The following MAN1A1 variants were observed in gnomAD, a reference collection of about 807,000 sequenced individuals.
MAN1A1 encodes the protein mannosyl-oligosaccharide 1,2-alpha-mannosidase IA.
MAN1A1 carries 29 observed loss-of-function variants against 70.8 expected under a neutral mutation model. The observed-to-expected ratio is 0.41, with a 90% CI of 0.31 to 0.56. MAN1A1 has a LOEUF of 0.56. MAN1A1 is among the 20% of genes least tolerant of loss of function. MAN1A1 has a pLI of 0.29. For synonymous variants in MAN1A1, 349 were observed against 330.1 expected, an observed-to-expected ratio of 1.06 and a Z score of -0.62; for missense variants, 747 against 841.3, an observed-to-expected ratio of 0.89 and a Z score of 1.39.
intron 5 of MAN1A1, among the ~76,000 whole-genome samples, chr6:119,258,596 C>A (rs1371916980): frequency 6.6e-6 from 1 of 152,082 alleles, no homozygotes; most frequent in Admixed American, 6.6e-5. Context: ...GTCCTGAAAC[C>A]TACCCCCACA....
chr6:119,261,874 T>C lies in MAN1A1; in HGVS notation c.898-13520A>G, dbSNP rs146252137. Among the ~76,000 whole-genome samples, 682 of 152,332 alleles carry C rather than the reference T, an allele frequency of 4.5e-3. 6 individuals carry two copies. The highest frequency in any genetic ancestry group is 0.015 in the African/African-American group (643 of 41,574). ...CCTAAGTAGTGAAGTAACTGATCTA[T>C]TAGATTTGTTGAAAAGGACTAGTTC... is the stretch of plus-strand genomic sequence containing the variant. On this transcript the variant is annotated intron_variant, in intron 5 of 12. Coordinates refer to ENST00000368468, the MANE Select transcript of MAN1A1 (RefSeq NM_005907.4).
chr6:119,341,152 GT>G (rs942794889), intron 2 of MAN1A1, among the ~76,000 whole-genome samples: 8 of 151,976 alleles, frequency 5.3e-5, no homozygotes, highest in African/African-American at 1.7e-4. Context: ...ATCTCATTTG[GT>G]TTTTTTTCAA....
At chr6:119,190,112 GT>G (rs1773402906) in intron 9 of MAN1A1, among the ~76,000 whole-genome samples, 2 of 152,140 alleles carry the variant, frequency 1.3e-5, no homozygotes, top group South Asian at 4.1e-4. Context: ...AGCACATTTG[GT>G]TTTGCTTGGT....
At chr6:119,220,086 G>A (rs3798611) in intron 6 of MAN1A1, among the ~76,000 whole-genome samples, 5,157 of 152,128 alleles carry the variant, frequency 0.034, 140 homozygotes, top group East Asian at 0.092. Flanking sequence ...TCCATCATAA[G>A]AGGACTTTTA....
intron 6 of MAN1A1, among the ~76,000 whole-genome samples, chr6:119,210,029 C>T (rs149802976): frequency 5.3e-5 from 8 of 152,130 alleles, no homozygotes; most frequent in South Asian, 2.1e-4. Context: ...CATCTCATCA[C>T]GGGTAGTTGT....
chr6:119,246,982 C>T (rs888016412), intron 6 of MAN1A1, among the ~76,000 whole-genome samples: 1 of 152,046 alleles, frequency 6.6e-6, no homozygotes, highest in African/African-American at 2.4e-5. Context: ...TGTGAACTCT[C>T]CCCACCCCAC....
intron 7 of MAN1A1, among the ~76,000 whole-genome samples, chr6:119,202,481 G>C (rs545648572): frequency 2.6e-4 from 40 of 152,184 alleles, no homozygotes; most frequent in Admixed American, 2.4e-3. Flanking sequence ...TAAAAAAAAA[G>C]TGGTACATTC....
intron 6 of MAN1A1, among the ~76,000 whole-genome samples, chr6:119,247,220 C>G (rs1316616252): frequency 6.6e-6 from 1 of 152,194 alleles, no homozygotes; most frequent in Non-Finnish European, 1.5e-5. Context: ...CTTGGTGTTT[C>G]TAAACCAGAA....
At chr6:119,345,220 G>A (rs1582821225) in intron 2 of MAN1A1, among the ~76,000 whole-genome samples, 1 of 151,356 alleles carries the variant, frequency 6.6e-6, no homozygotes, top group Non-Finnish European at 1.5e-5. Context: ...GAGAAGGGAA[G>A]CTAAAAATGA....
intron 11 of MAN1A1, among the ~76,000 whole-genome samples, chr6:119,181,640 G>C (rs1360195824): frequency 2.0e-5 from 3 of 152,064 alleles, no homozygotes; most frequent in African/African-American, 7.2e-5. Flanking sequence ...CACTTTGTTG[G>C]TTACCACTAA....
chr6:119,348,895 C>T lies in MAN1A1; in HGVS notation c.171G>A (p.Gly57=), dbSNP rs749303742. ...AGGAGTCTGGCAGGAAGAAGATCGCCCCGAAGCAGAGCGTGATGAAGGCGC... is the reference window on the plus strand; with the variant it reads ...AGGAGTCTGGCAGGAAGAAGATCGCTCCGAAGCAGAGCGTGATGAAGGCGC... ...VFSAFITLCF[G]AIFFLPDSSK... The change falls in exon 2 of 13, where the codon GGG becomes GGA. Residue 57 remains glycine (G), a synonymous_variant. Transcript: ENST00000368468. The T allele has an allele frequency of 1.3e-6, 2 of 1,537,384 alleles. No individual in the cohort carries two copies. The highest frequency in any genetic ancestry group is 3.4e-4 in the Middle Eastern group (2 of 5,850).
rs7743195 is a variant in MAN1A1, at chr6:119,263,023, T to C, written c.898-14669A>G. Among the ~76,000 whole-genome samples, 1,091 of 152,252 alleles carry C rather than the reference T, an allele frequency of 7.2e-3. 32 individuals carry two copies. In the East Asian group the frequency reaches 0.09, roughly 13 times the overall value. On this transcript the variant is annotated intron_variant, in intron 5 of 12. Transcript: ENST00000368468. ...AAAAACGTGAAAAGGAGAGATGGGC[T>C]TAGCCTCCCAGCCTACATCTTTTTC...
At chr6:119,227,463 G>A (rs994844092) in intron 6 of MAN1A1, among the ~76,000 whole-genome samples, 8 of 152,164 alleles carry the variant, frequency 5.3e-5, no homozygotes, top group Admixed American at 6.5e-5. Flanking sequence ...CGAATGGAAC[G>A]GAAGTATACA....
At position 119,223,129 on chromosome 6, in the gene MAN1A1, G is replaced by A. The variant is rs1013926238; in HGVS notation, c.993-18247C>T. Among the ~76,000 whole-genome samples, 4 of 152,020 alleles carry A rather than the reference G, an allele frequency of 2.6e-5. No individual in the cohort carries two copies. In the East Asian group the frequency reaches 7.7e-4, roughly 29 times the overall value. ...TAGAATATTCATTCTAAAATATTTT[G>A]TGAACAAAATTAGTTCCCTATAGTG... is the stretch of plus-strand genomic sequence containing the variant. On this transcript the variant is annotated intron_variant, in intron 6 of 12. Coordinates refer to ENST00000368468, the MANE Select transcript of MAN1A1 (RefSeq NM_005907.4).
chr6:119,249,536 AAGGAAGAAGTGAGAGAGGC>A lies in MAN1A1; in HGVS notation c.898-1201_898-1183del, dbSNP rs1775261597. Among the ~76,000 whole-genome samples the A allele has an allele frequency of 3.3e-5, 5 of 152,282 alleles. No individual in the cohort carries two copies. The South Asian group carries it at 1.0e-3, about 32-fold the overall frequency. ...GAAGCGTACCATTTCCTCCTCAAAC[AAGGAAGAAGTGAGAGAGGC>A]TGGAGGAGCCCTGAAGAGCATGGAA... On this transcript the variant is annotated intron_variant, in intron 5 of 12. Transcript: ENST00000368468.
chr6:119,229,232 A>G (rs1353189630), intron 6 of MAN1A1, among the ~76,000 whole-genome samples: 1 of 152,058 alleles, frequency 6.6e-6, no homozygotes, highest in Non-Finnish European at 1.5e-5. Context: ...AAAAAAACAA[A>G]AAATGCAGAT....
chr6:119,259,598 C>T (rs887627412), intron 5 of MAN1A1, among the ~76,000 whole-genome samples: 2 of 152,136 alleles, frequency 1.3e-5, no homozygotes, highest in Non-Finnish European at 1.5e-5. Flanking sequence ...TACACTGATA[C>T]CTTTAAATTG....
intron 6 of MAN1A1, among the ~76,000 whole-genome samples, chr6:119,205,327 A>G (rs1773830946): frequency 6.6e-6 from 1 of 152,228 alleles, no homozygotes; most frequent in Admixed American, 6.5e-5. Context: ...GATAGAAGAT[A>G]AATTTCAAAG....
chr6:119,324,010 A>G (rs1773087074), intron 2 of MAN1A1, among the ~76,000 whole-genome samples: 1 of 152,188 alleles, frequency 6.6e-6, no homozygotes, highest in South Asian at 2.1e-4. Flanking sequence ...TGTAATGCAT[A>G]GTTATCTTAA....
Sources: allele counts gnomAD v4.1 joint callset (sites outside exome capture counted in the v4.1 genomes callset), GRCh38; gene constraint gnomAD v4.1.1; transcripts MANE v1.5; gene names NCBI Gene and HGNC (gene_info 2026-07-23, HGNC 2026-07-21).